PLXNA2: variants seen among roughly 807,000 people sequenced by gnomAD.
PLXNA2 encodes plexin-A2.
In PLXNA2, 91 loss-of-function variants were observed where a neutral mutation model predicts 193.5. The ratio of observed to expected loss-of-function variants is 0.47; its 90% CI spans 0.40 to 0.56. The LOEUF is 0.56. PLXNA2 is among the 20% of genes least tolerant of loss of function. The pLI is 0.00. For missense variants in PLXNA2, 1,995 were observed against 2,503.2 expected, an observed-to-expected ratio of 0.80 and a Z score of 4.33; for synonymous variants, 997 against 1,027.3, an observed-to-expected ratio of 0.97 and a Z score of 0.56.
intron 29 of PLXNA2, chr1:208,031,112 C>T (rs1454167738): frequency 2.0e-5 from 20 of 999,372 alleles, no homozygotes; most frequent in East Asian, 1.1e-4. Context: ...ACTCCCTCTC[C>T]GGTGCTGACC....
At chr1:208,182,330 G>A (rs1027134312) in intron 3 of PLXNA2, among the ~76,000 whole-genome samples, 2 of 152,172 alleles carry the variant, frequency 1.3e-5, no homozygotes, top group Admixed American at 6.5e-5. Flanking sequence ...CTACTTAGGA[G>A]GCTGAGGCAG....
intron 3 of PLXNA2, among the ~76,000 whole-genome samples, chr1:208,164,764 G>A (rs75304634): frequency 0.015 from 2,256 of 152,296 alleles, 85 homozygotes; most frequent in East Asian, 0.14. Context: ...GTCCGGCAGC[G>A]GCTCCCTGGG....
At chr1:208,173,300 G>A (rs1270305753) in intron 3 of PLXNA2, among the ~76,000 whole-genome samples, 1 of 152,226 alleles carries the variant, frequency 6.6e-6, no homozygotes, top group East Asian at 1.9e-4. Flanking sequence ...TGTTGGATTA[G>A]TGAGCCTTTG....
chr1:208,203,684 A>G (rs143456198), intron 3 of PLXNA2, among the ~76,000 whole-genome samples: 1 of 152,322 alleles, frequency 6.6e-6, no homozygotes, highest in African/African-American at 2.4e-5. Context: ...GCCAATGTCA[A>G]TATTGGCATT....
At chr1:208,105,077 A>AC (rs1354432969) in intron 4 of PLXNA2, among the ~76,000 whole-genome samples, 10 of 152,038 alleles carry the variant, frequency 6.6e-5, no homozygotes, top group African/African-American at 1.2e-4. Context: ...GAGAGAAGCC[A>AC]CCCCCCACTG....
At chr1:208,137,565 G>A (rs372272807) in intron 4 of PLXNA2, among the ~76,000 whole-genome samples, 8 of 152,246 alleles carry the variant, frequency 5.3e-5, no homozygotes, top group South Asian at 2.1e-4. Flanking sequence ...CTGCTGATTC[G>A]CTGTCAGTGA....
chr1:208,243,342 G>T (rs1197357075), intron 1 of PLXNA2, among the ~76,000 whole-genome samples: 1 of 152,090 alleles, frequency 6.6e-6, no homozygotes, highest in African/African-American at 2.4e-5. Flanking sequence ...CGGTGGAGGC[G>T]CGCCGCGGAG....
chr1:208,109,006 TTCTTCCCTGGAA>T (rs201028637), intron 4 of PLXNA2, among the ~76,000 whole-genome samples: 1,545 of 152,276 alleles, frequency 0.01, 18 homozygotes, highest in South Asian at 0.053. Flanking sequence ...TTTAATCTCT[TTCTTCCCTGGAA>T]TCTTCCCTGG....
Position 208,110,101 on chromosome 1 carries a change from G to A in PLXNA2, c.1507-6854C>T, listed in dbSNP as rs1465084046. On this transcript the variant is annotated intron_variant, in intron 4 of 31. Transcript: ENST00000367033. ...AGTCCTCACAGGGAGAGAAATGTGG[G>A]CCAATGTTTGGGGAGGCCCAGTCCT... Among the ~76,000 whole-genome samples, 3 of 152,204 alleles carry A rather than the reference G, an allele frequency of 2.0e-5. No homozygotes were observed. In the East Asian group the frequency reaches 5.8e-4, roughly 29 times the overall value.
intron 1 of PLXNA2, among the ~76,000 whole-genome samples, chr1:208,225,559 AGCCTCG>A (rs1234690642): frequency 6.6e-6 from 1 of 152,152 alleles, no homozygotes; most frequent in Non-Finnish European, 1.5e-5. Context: ...GTGATCCTCT[AGCCTCG>A]GCCTCCCAAA....
intron 4 of PLXNA2, among the ~76,000 whole-genome samples, chr1:208,126,145 A>C (rs1667969527): frequency 6.6e-6 from 1 of 152,210 alleles, no homozygotes; most frequent in Non-Finnish European, 1.5e-5. Flanking sequence ...AGGGACTTGA[A>C]AAAAGGCCCA....
At chr1:208,141,110 G>A (rs1197500325) in intron 4 of PLXNA2, among the ~76,000 whole-genome samples, 1 of 152,220 alleles carries the variant, frequency 6.6e-6, no homozygotes, top group Non-Finnish European at 1.5e-5. Context: ...AAAAAGACAG[G>A]TGGGTTCAAG....
At chr1:208,064,198 G>GT (rs1665710105) in intron 12 of PLXNA2, among the ~76,000 whole-genome samples, 1 of 152,194 alleles carries the variant, frequency 6.6e-6, no homozygotes, top group South Asian at 2.1e-4. Context: ...GTGTTCCAGA[G>GT]TAGGTGTTCA....
rs144314864 is a variant in PLXNA2 at position 208,028,964 on chromosome 1, G to A, written c.5304C>T (p.Asp1768=). ...TCTGGGCCACCACAGAGAGGCAGGC[G>A]TCCGTGATGCTGCCCTTGTGGATGT... ...VFDIHKGSIT[D]ACLSVVAQTF... is the part of the protein sequence containing the mutation. Residue 1768 remains aspartate (D), a synonymous_variant, in exon 30 of 32, where the codon GAC becomes GAT. Transcript: ENST00000367033. The surrounding 1 kb of genome is among the most constrained non-coding windows in gnomAD (Gnocchi z 4.2). 9.5e-4 allele frequency: 1,536 copies of A among 1,614,092 alleles called. 2 individuals carry two copies. The highest frequency in any genetic ancestry group is 1.2e-3 in the Non-Finnish European group (1,452 of 1,180,008).
chr1:208,153,821 G>C (rs1668848133), intron 3 of PLXNA2, among the ~76,000 whole-genome samples: 1 of 152,220 alleles, frequency 6.6e-6, no homozygotes, highest in Admixed American at 6.5e-5. Flanking sequence ...CTGCCTGACT[G>C]CTTGGCAGAG....
chr1:208,134,468 C>T (rs1668246141), intron 4 of PLXNA2, among the ~76,000 whole-genome samples: 1 of 152,166 alleles, frequency 6.6e-6, no homozygotes, highest in Non-Finnish European at 1.5e-5. Context: ...TGGGGTCCTG[C>T]ATCCTTAACC....
In PLXNA2 at chr1:208,024,287, A is replaced by G. The variant is rs1255943175; in HGVS notation, c.*2956T>C. 6.6e-6 allele frequency: 1 copy of G among 151,992 alleles called. No individual in the cohort carries two copies. Among genetic ancestry groups the G allele is most frequent in the African/African-American group, 2.4e-5 (1 of 41,376 alleles). 9.4% of individuals were successfully genotyped at this position (151,992 alleles called of 1,614,324 possible). A position where few individuals can be genotyped will look rare whatever the true frequency, so the allele number is the denominator to read the frequency against. ...TTACCCAAGGTCAAAATATCCTCAAATTGGATAACAGGGAGAAGAGAGGCC... is the reference window on the plus strand; with the variant it reads ...TTACCCAAGGTCAAAATATCCTCAAGTTGGATAACAGGGAGAAGAGAGGCC... On this transcript the variant is annotated 3_prime_UTR_variant, in exon 32 of 32. Coordinates refer to ENST00000367033, the MANE Select transcript of PLXNA2 (RefSeq NM_025179.4).
chr1:208,163,779 G>A (rs1401323695), intron 3 of PLXNA2, among the ~76,000 whole-genome samples: 2 of 152,186 alleles, frequency 1.3e-5, no homozygotes, highest in Non-Finnish European at 2.9e-5. Flanking sequence ...CAACTTGCTG[G>A]TGTCCTTTCT....
At chr1:208,194,929 C>G (rs1670311036) in intron 3 of PLXNA2, among the ~76,000 whole-genome samples, 1 of 152,154 alleles carries the variant, frequency 6.6e-6, no homozygotes, top group Non-Finnish European at 1.5e-5. Context: ...GGGTACAGCT[C>G]AAAAGGTGGT....
Sources: allele counts gnomAD v4.1 joint callset (sites outside exome capture counted in the v4.1 genomes callset), GRCh38; gene constraint gnomAD v4.1.1; non-coding constraint Gnocchi (gnomAD v3.1); transcripts MANE v1.5; gene names NCBI Gene and HGNC (gene_info 2026-07-23, HGNC 2026-07-21).